The following ADAM12 variants were observed in gnomAD, a reference collection of about 807,000 sequenced individuals.
ADAM12 encodes ADAM metallopeptidase domain 12, also known as disintegrin and metalloproteinase domain-containing protein 12.
In ADAM12, 70 loss-of-function variants were observed where a neutral mutation model predicts 106.4. That is an observed-to-expected ratio of 0.66 (90% CI 0.54 to 0.80). The LOEUF (loss-of-function observed/expected upper bound fraction) is 0.80, where lower values mean the gene tolerates loss of function less well. Among genes scored for constraint, ADAM12 ranks in the 30% least tolerant of loss-of-function variants. The pLI, the probability that ADAM12 is intolerant of heterozygous loss-of-function variation, is 0.00. For synonymous variants in ADAM12, 420 were observed against 433.5 expected (o/e 0.97, Z 0.39); for missense variants, 1,010 against 1,171.9 (o/e 0.86, Z 2.02).
intron 3 of ADAM12, among the ~76,000 whole-genome samples, chr10:126,218,771 T>A (rs192689669): frequency 2.3e-4 from 35 of 152,306 alleles, no homozygotes; most frequent in Admixed American, 4.6e-4. Flanking sequence ...AGAGGCAGAA[T>A]GTACTGTTCT....
intron 21 of ADAM12, among the ~76,000 whole-genome samples, chr10:126,031,281 C>T (rs1443547624): frequency 6.6e-6 from 1 of 152,238 alleles, no homozygotes; most frequent in Non-Finnish European, 1.5e-5. Context: ...TTTCTCATTA[C>T]AAATTGGCAT....
chr10:126,027,753 T>C (rs1953901554), intron 21 of ADAM12, among the ~76,000 whole-genome samples: 2 of 152,032 alleles, frequency 1.3e-5, no homozygotes. Context: ...ACAGCTAATA[T>C]CCTGAATGAG....
Position 126,282,570 on chromosome 10 carries a change from G to T in ADAM12, c.187-3582C>A, listed in dbSNP as rs542463121. On this transcript the variant is annotated intron_variant, in intron 2 of 22. Transcript: ENST00000448723. ...CCTTACAAAAATGGCCTCATACTTT[G>T]TCCATTCTTCTATGACTGGTTTCTT... Among the ~76,000 whole-genome samples the T allele has an allele frequency of 3.9e-5, 6 of 152,130 alleles. No homozygotes were observed. In the East Asian group the frequency reaches 1.2e-3, roughly 29 times the overall value.
At chr10:126,382,298 C>A (rs185907269) in intron 1 of ADAM12, among the ~76,000 whole-genome samples, 1 of 152,184 alleles carries the variant, frequency 6.6e-6, no homozygotes. Context: ...TGTCCTACTC[C>A]GACCAACATG....
intron 21 of ADAM12, among the ~76,000 whole-genome samples, chr10:126,021,361 C>T (rs997120586): frequency 1.3e-5 from 2 of 152,196 alleles, no homozygotes; most frequent in South Asian, 2.1e-4. Context: ...ATGAAAATTA[C>T]ATTTCTTTAG....
chr10:126,096,088 T>C (rs533046095), intron 10 of ADAM12, among the ~76,000 whole-genome samples: 1 of 152,370 alleles, frequency 6.6e-6, no homozygotes, highest in African/African-American at 2.4e-5. Context: ...TTTGTTTAGA[T>C]TTTAGAGTTT....
At chr10:126,082,503 G>A (rs1955247616) in intron 11 of ADAM12, among the ~76,000 whole-genome samples, 1 of 151,348 alleles carries the variant, frequency 6.6e-6, no homozygotes, top group Non-Finnish European at 1.5e-5. Flanking sequence ...TGAGTAGCTG[G>A]GATTACAGGT....
intron 6 of ADAM12, among the ~76,000 whole-genome samples, chr10:126,111,702 C>T (rs562409157): frequency 3.8e-4 from 58 of 152,290 alleles, no homozygotes; most frequent in Non-Finnish European, 6.3e-4. Flanking sequence ...CACAATTTTC[C>T]TGTCTCTGCA....
intron 3 of ADAM12, among the ~76,000 whole-genome samples, chr10:126,243,761 A>C (rs1439452026): frequency 6.6e-6 from 1 of 152,198 alleles, no homozygotes; most frequent in East Asian, 1.9e-4. Flanking sequence ...AGAACCAGCC[A>C]AATGGAAGCA....
At position 126,190,989 on chromosome 10, in the gene ADAM12, C is replaced by CTTTTTTTTTTTTTTTTTTT. The variant is rs1957488604; in HGVS notation, c.261-35685_261-35684insAAAAAAAAAAAAAAAAAAA. 1.5e-4 allele frequency among the ~76,000 whole-genome samples: 10 copies of CTTTTTTTTTTTTTTTTTTT among 68,730 alleles called. 5 individuals are homozygous for CTTTTTTTTTTTTTTTTTTT. Among genetic ancestry groups the CTTTTTTTTTTTTTTTTTTT allele is most frequent in the Non-Finnish European group, 8.0e-5 (2 of 25,136 alleles). The allele number at this position is 68,730 out of a possible 152,430, so 45.1% of individuals were successfully genotyped here. A position where few individuals can be genotyped will look rare whatever the true frequency, so the allele number is the denominator to read the frequency against. On this transcript the variant is annotated intron_variant, in intron 3 of 22. Coordinates refer to ENST00000448723, the MANE Select transcript of ADAM12 (RefSeq NM_001288973.2). ...TTTGAGTTGCCATGAGGAGTTTTGT[C>CTTTTTTTTTTTTTTTTTTT]CTTTTTTTTTTTTTTTTTTTTTTTT...
chr10:126,238,875 G>T (rs1173563357), intron 3 of ADAM12, among the ~76,000 whole-genome samples: 1 of 152,164 alleles, frequency 6.6e-6, no homozygotes, highest in Non-Finnish European at 1.5e-5. Flanking sequence ...CACTCATTCT[G>T]CTCTGCTACA....
chr10:126,063,186 C>G (rs757761744), intron 14 of ADAM12, among the ~76,000 whole-genome samples: 2 of 152,210 alleles, frequency 1.3e-5, no homozygotes, highest in African/African-American at 2.4e-5. Context: ...CACCTGCCCA[C>G]GCGCATCCCT....
chr10:126,192,619 C>T (rs139712076), intron 3 of ADAM12, among the ~76,000 whole-genome samples: 42 of 152,358 alleles, frequency 2.8e-4, no homozygotes, highest in Non-Finnish European at 5.3e-4. Flanking sequence ...ACATACTTAA[C>T]TTACAATTCT....
chr10:126,381,138 T>A (rs1390240956), intron 1 of ADAM12, among the ~76,000 whole-genome samples: 1 of 152,234 alleles, frequency 6.6e-6, no homozygotes, highest in Non-Finnish European at 1.5e-5. Context: ...GAAAAGAAAG[T>A]TTTGAAACAT....
chr10:126,131,872 C>T (rs930284850), intron 5 of ADAM12, among the ~76,000 whole-genome samples: 39 of 152,014 alleles, frequency 2.6e-4, no homozygotes, highest in African/African-American at 8.0e-4. Context: ...GAAAATAGAC[C>T]GTGATAATAT....
rs2133478948 is a variant in ADAM12 at position 126,064,617 on chromosome 10, T to C, written c.1609+189A>G. ...AGGCTCCAGGCAGTGTCCATTTCTG[T>C]GCACCCCATGCCCAGTGCGGCCTCA... On this transcript the variant is annotated intron_variant, in intron 14 of 22. Transcript: ENST00000448723. This position sits in a 1 kb window ranked among gnomAD's most constrained non-coding sequence, Gnocchi z 4.4. 1.6e-6 allele frequency: 1 copy of C among 613,546 alleles called. No individual in the cohort carries two copies. Among genetic ancestry groups the C allele is most frequent in the East Asian group, 2.9e-5 (1 of 34,886 alleles). The allele number at this position is 613,546 out of a possible 1,614,324, so 38.0% of individuals were successfully genotyped here. A position where few individuals can be genotyped will look rare whatever the true frequency, so the allele number is the denominator to read the frequency against.
chr10:126,310,563 C>T (rs779913226), intron 2 of ADAM12, among the ~76,000 whole-genome samples: 8 of 152,124 alleles, frequency 5.3e-5, no homozygotes, highest in Admixed American at 1.3e-4. Context: ...ACACAGCAGC[C>T]ACTAAAAGCA....
At chr10:126,251,619 T>TG (rs1958758144) in intron 3 of ADAM12, among the ~76,000 whole-genome samples, 1 of 38,602 alleles carries the variant, frequency 2.6e-5, no homozygotes, top group South Asian at 8.9e-4. Context: ...GATGCATGGA[T>TG]AGATGAATGG....
chr10:126,198,532 T>G (rs919446727), intron 3 of ADAM12, among the ~76,000 whole-genome samples: 3 of 152,214 alleles, frequency 2.0e-5, no homozygotes, highest in Admixed American at 6.5e-5. Flanking sequence ...AGGGCCAGTG[T>G]AGCCTTTAGC....
Sources: gnomAD v4.1 joint callset for allele counts (sites outside exome capture counted in the v4.1 genomes callset) on GRCh38, gnomAD v4.1.1 for gene constraint, Gnocchi (gnomAD v3.1) non-coding constraint, MANE v1.5 for transcripts, NCBI Gene and HGNC (gene_info 2026-07-23, HGNC 2026-07-21) for gene names.